USP4: variants seen among roughly 807,000 people sequenced by gnomAD.
The protein encoded by USP4 is ubiquitin carboxyl-terminal hydrolase 4.
In USP4, 72 loss-of-function variants were observed where a neutral mutation model predicts 118.2. That is an observed-to-expected ratio of 0.61 (90% confidence interval 0.50 to 0.74). The LOEUF (loss-of-function observed/expected upper bound fraction) is 0.74. USP4 is among the 30% of genes least tolerant of loss of function. The pLI, the probability that USP4 is intolerant of heterozygous loss-of-function variation, is 0.00. For synonymous variants in USP4, 415 were observed against 440.4 expected (o/e 0.94, Z 0.72); for missense variants, 1,037 against 1,185.7 (o/e 0.87, Z 1.84).
Position 49,324,982 on chromosome 3 carries a change from C to A in USP4, c.545G>T (p.Arg182Leu). 1 of 1,613,936 alleles carries A rather than the reference C, an allele frequency of 6.2e-7. No individual in the cohort carries two copies. Residue 182 changes from arginine to leucine, a missense_variant, in exon 5 of 22, where the codon CGG becomes CTG. Physicochemically the swap from Arg to Leu is moderately radical, Grantham distance 102. Coordinates refer to ENST00000265560, the MANE Select transcript of USP4 (RefSeq NM_003363.4). ...LFNIPAERET[R>L]LWNKYMSNTY... ...GTTGCTCATGTATTTGTTCCAGAGC[C>A]GTGTTTCACGCTCCGCAGGGATGTT...
intron 6 of USP4, chr3:49,317,214 C>T (rs767878975): frequency 2.1e-5 from 31 of 1,511,332 alleles, no homozygotes; most frequent in East Asian, 4.5e-5. Flanking sequence ...CCTCCGTCTC[C>T]GCGATGGTCT....
At chr3:49,309,196 A>G (rs1489952096) in intron 8 of USP4, among the ~76,000 whole-genome samples, 1 of 152,082 alleles carries the variant, frequency 6.6e-6, no homozygotes, top group Non-Finnish European at 1.5e-5. Context: ...CATCATGAGT[A>G]TAATAACTTT....
intron 9 of USP4, among the ~76,000 whole-genome samples, chr3:49,304,415 T>C (rs1216192410): frequency 2.6e-5 from 4 of 151,984 alleles, no homozygotes. Context: ...AGTGTATCCA[T>C]GTCTTCTCCT....
intron 6 of USP4, chr3:49,312,567 C>A (rs1198975373): frequency 1.8e-5 from 8 of 447,770 alleles, no homozygotes; most frequent in Non-Finnish European, 3.6e-5. Context: ...TTGCAGTGAG[C>A]CAAGATCGCG....
At chr3:49,334,727 G>C (rs1380918844) in intron 2 of USP4, among the ~76,000 whole-genome samples, 2 of 152,094 alleles carry the variant, frequency 1.3e-5, no homozygotes, top group South Asian at 2.1e-4. Context: ...ATGTTGGCCA[G>C]GCTGGTCTCG....
chr3:49,285,380 G>A (rs759937742), intron 16 of USP4, among the ~76,000 whole-genome samples: 1 of 152,130 alleles, frequency 6.6e-6, no homozygotes, highest in Non-Finnish European at 1.5e-5. Context: ...ATAGGGGAGA[G>A]AGGGGAAGAT....
intron 8 of USP4, among the ~76,000 whole-genome samples, chr3:49,308,320 T>C (rs2047341578): frequency 6.6e-6 from 1 of 152,002 alleles, no homozygotes; most frequent in Non-Finnish European, 1.5e-5. Flanking sequence ...ATATTTATAC[T>C]TTATTATATA....
chr3:49,323,997 T>C (rs2047526490), intron 6 of USP4, among the ~76,000 whole-genome samples: 1 of 151,942 alleles, frequency 6.6e-6, no homozygotes, highest in Admixed American at 6.6e-5. Flanking sequence ...TATCACTTTT[T>C]TTTTGTTTTT....
intron 3 of USP4, among the ~76,000 whole-genome samples, chr3:49,327,248 C>G (rs1046093792): frequency 6.6e-6 from 1 of 151,998 alleles, no homozygotes; most frequent in African/African-American, 2.4e-5. Flanking sequence ...TAAAGAGAAC[C>G]AGAAACAGGC....
At position 49,295,714 on chromosome 3, in the gene USP4, G is replaced by GCGCGCACACACACACACACACA. The variant is rs149459963; in HGVS notation, c.1692-1117_1692-1116insTGTGTGTGTGTGTGTGTGCGCG. On this transcript the variant is annotated intron_variant, in intron 13 of 21. Transcript: ENST00000265560. ...CATATGCACGTGTGCGCGCGCGCGC[G>GCGCGCACACACACACACACACA]CACACACACACACACACACACCCCC... 2.1e-3 allele frequency among the ~76,000 whole-genome samples: 317 copies of GCGCGCACACACACACACACACA among 148,340 alleles called. 2 individuals are homozygous for GCGCGCACACACACACACACACA. The highest frequency in any genetic ancestry group is 7.9e-3 in the African/African-American group (304 of 38,400).
rs773412586 is a variant in USP4 at position 49,278,898 on chromosome 3, A to C, written c.2649T>G (p.Thr883=). The C allele has an allele frequency of 6.2e-7, 1 of 1,606,708 alleles. No individual in the cohort carries two copies. The highest frequency in any genetic ancestry group is 8.5e-7 in the Non-Finnish European group (1 of 1,176,192). ...CATTCAGTTTGTTCTTCGCATATGC[A>C]GTGTCTGCCAAGTCAACAAAGAAAA... ...HYGAMGVGHY[T]AYAKNKLNGK... is the part of the protein sequence containing the mutation. The change falls in exon 21 of 22, where the codon ACT becomes ACG. Residue 883 remains threonine (T), a synonymous_variant. Coordinates refer to ENST00000265560, the MANE Select transcript of USP4 (RefSeq NM_003363.4).
intron 8 of USP4, among the ~76,000 whole-genome samples, chr3:49,310,252 G>C (rs1345404693): frequency 6.6e-6 from 1 of 152,128 alleles, no homozygotes; most frequent in Non-Finnish European, 1.5e-5. Context: ...TGAAAAGGTA[G>C]TCAGCCTTCA....
intron 12 of USP4, among the ~76,000 whole-genome samples, chr3:49,298,336 T>A (rs2047229976): frequency 6.6e-6 from 1 of 152,164 alleles, no homozygotes; most frequent in Non-Finnish European, 1.5e-5. Context: ...ACGGCTAGTG[T>A]GAACCCAATG....
chr3:49,303,967 G>C (rs996443429), intron 9 of USP4, among the ~76,000 whole-genome samples: 6 of 151,948 alleles, frequency 3.9e-5, no homozygotes, highest in Non-Finnish European at 8.8e-5. Context: ...TGGCCAGGCT[G>C]GTCTTGAACT....
chr3:49,282,279 A>AT (rs922185113), intron 19 of USP4, among the ~76,000 whole-genome samples: 305 of 147,208 alleles, frequency 2.1e-3, no homozygotes, highest in Middle Eastern at 3.5e-3. Context: ...AAGATAAAGA[A>AT]TTTTTTTTTT....
chr3:49,326,050 C>T (rs891027036), intron 3 of USP4, among the ~76,000 whole-genome samples: 4 of 152,180 alleles, frequency 2.6e-5, no homozygotes, highest in Non-Finnish European at 5.9e-5. Flanking sequence ...CGTGTGGTGG[C>T]TCACGCTTGT....
chr3:49,284,604 C>T lies in USP4; in HGVS notation c.2272-20G>A. ...GTAGGCCTATGGGAATCAAAGCACT[C>T]AGTTCTGCTGGAGAAAGAGATCTTA... On this transcript the variant is annotated intron_variant, in intron 17 of 21. Transcript: ENST00000265560. 2 of 1,605,066 alleles carry T rather than the reference C, an allele frequency of 1.2e-6. No homozygotes were observed. The highest frequency in any genetic ancestry group is 1.7e-6 in the Non-Finnish European group (2 of 1,172,282).
chr3:49,313,402 C>A (rs2047406292), intron 6 of USP4, among the ~76,000 whole-genome samples: 1 of 152,050 alleles, frequency 6.6e-6, no homozygotes, highest in East Asian at 1.9e-4. Flanking sequence ...GTGGCGCATG[C>A]CTGTAATCCC....
intron 13 of USP4, among the ~76,000 whole-genome samples, chr3:49,295,589 CT>C (rs886070315): frequency 6.6e-6 from 1 of 151,978 alleles, no homozygotes; most frequent in African/African-American, 2.4e-5. Context: ...ATGTTTTATC[CT>C]GGAACAGATG....
Sources: allele counts gnomAD v4.1 joint callset (sites outside exome capture counted in the v4.1 genomes callset), GRCh38; gene constraint gnomAD v4.1.1; transcripts MANE v1.5; gene names NCBI Gene and HGNC (gene_info 2026-07-23, HGNC 2026-07-21).